Variants in FGF13 observed in about 807,000 individuals in gnomAD.
FGF13 encodes the protein fibroblast growth factor 13.
FGF13 carries 2 observed loss-of-function variants against 19.5 expected under a neutral mutation model. That is an observed-to-expected ratio of 0.10 (90% CI 0.04 to 0.32). The LOEUF is 0.32. FGF13 is among the 10% of genes least tolerant of loss of function. The pLI is 1.00. For missense variants in FGF13, 113 were observed against 192.7 expected, an observed-to-expected ratio of 0.59 and a Z score of 2.45; for synonymous variants, 72 against 76.9, an observed-to-expected ratio of 0.94 and a Z score of 0.33.
chrX:138,985,255 G>C (rs1011476436), intron 1 of FGF13, among the ~76,000 whole-genome samples: 1 of 112,428 alleles, frequency 8.9e-6, no homozygotes. Context: ...TTTGGTTTCT[G>C]TTTGTTTTTA....
At chrX:139,169,490 G>A (rs762890404) in intron 1 of FGF13, among the ~76,000 whole-genome samples, 2 of 109,838 alleles carry the variant, frequency 1.8e-5, no homozygotes, top group Admixed American at 9.8e-5. Flanking sequence ...TTTTTAAAGA[G>A]ACAGGATCTT....
At chrX:138,912,362 C>G (rs2091592459) in intron 1 of FGF13, among the ~76,000 whole-genome samples, 1 of 111,481 alleles carries the variant, frequency 9.0e-6, no homozygotes. Flanking sequence ...GGGAAAGACT[C>G]AACCATTGAG....
chrX:138,701,232 C>G (rs948611952), intron 3 of FGF13, among the ~76,000 whole-genome samples: 1 of 112,198 alleles, frequency 8.9e-6, no homozygotes, highest in Non-Finnish European at 1.9e-5. Flanking sequence ...CTGGCATGTG[C>G]TTTCTCAAAA....
chrX:139,164,721 A>AAATAAATAAATG (rs1179073034), intron 1 of FGF13, among the ~76,000 whole-genome samples: 30 of 109,306 alleles, frequency 2.7e-4, no homozygotes, highest in South Asian at 1.9e-3. Flanking sequence ...ATAAATAAAT[A>AAATAAATAAATG]AATGAATGGA....
intron 3 of FGF13, among the ~76,000 whole-genome samples, chrX:138,807,306 A>G (rs966334783): frequency 3.6e-5 from 4 of 112,149 alleles, no homozygotes; most frequent in Non-Finnish European, 7.5e-5. Context: ...CAAAACAATT[A>G]AAAGCAGAGC....
At chrX:138,865,808 C>G (rs1195004511) in intron 1 of FGF13, among the ~76,000 whole-genome samples, 1 of 110,759 alleles carries the variant, frequency 9.0e-6, no homozygotes, top group Non-Finnish European at 1.9e-5. Context: ...TTCAAAATAC[C>G]CCCCCAAGAA....
chrX:139,071,490 T>G (rs1214463447), intron 1 of FGF13, among the ~76,000 whole-genome samples: 1 of 111,904 alleles, frequency 8.9e-6, no homozygotes, highest in Non-Finnish European at 1.9e-5. Context: ...ATGTTACTGT[T>G]GTCCAAGAGT....
At chrX:138,871,380 C>T (rs189403090) in intron 1 of FGF13, among the ~76,000 whole-genome samples, 5 of 111,476 alleles carry the variant, frequency 4.5e-5, no homozygotes, top group African/African-American at 1.3e-4. Context: ...GGGGGGGGAA[C>T]AGACAAAAAT....
intron 1 of FGF13, among the ~76,000 whole-genome samples, chrX:139,053,735 T>C (rs1245375019): frequency 8.9e-6 from 1 of 111,883 alleles, no homozygotes; most frequent in Non-Finnish European, 1.9e-5. Flanking sequence ...TTCCTTTTGA[T>C]GTCTAAAAAG....
At chrX:139,124,929 C>A (rs188257867) in intron 1 of FGF13, among the ~76,000 whole-genome samples, 1,720 of 111,644 alleles carry the variant, frequency 0.015, 30 homozygotes, top group African/African-American at 0.052. Context: ...CATGGTTCCC[C>A]TAGGAAGAGG....
intron 3 of FGF13, among the ~76,000 whole-genome samples, chrX:138,755,048 A>G (rs1456303400): frequency 7.2e-5 from 8 of 111,866 alleles, no homozygotes; most frequent in Admixed American, 4.8e-4. Flanking sequence ...GCTGAGCCCA[A>G]CAAGTTCCAG....
At chrX:138,639,600 TAATGA>T (rs775306767) in intron 3 of FGF13, among the ~76,000 whole-genome samples, 65 of 112,226 alleles carry the variant, frequency 5.8e-4, no homozygotes, top group Non-Finnish European at 1.1e-3. Flanking sequence ...ACTTTTTAGT[TAATGA>T]AATAATCAAT....
At position 139,065,498 on chromosome X, in the gene FGF13, A is replaced by AGG. The variant is rs756191411; in HGVS notation, c.-113+137917_-113+137918insCC. Among the ~76,000 whole-genome samples the AGG allele has an allele frequency of 4.2e-3, 351 of 84,204 alleles. 3 individuals are homozygous for AGG. The highest frequency in any genetic ancestry group is 0.016 in the African/African-American group (331 of 20,450). 73.1% of individuals were successfully genotyped at this position (84,204 alleles called of 115,157 possible). On this transcript the variant is annotated intron_variant, in intron 1 of 2. Transcript: ENST00000421460. ...ACGGAAAGCAAAAAAAAAAAAAAGA[A>AGG]AAAGAAAAAAGAAAGGGGGGTTGCA...
intron 1 of FGF13, among the ~76,000 whole-genome samples, chrX:138,940,503 C>T (rs749012113): frequency 4.5e-4 from 50 of 111,358 alleles, no homozygotes; most frequent in African/African-American, 1.6e-3. Context: ...GAAATCTTTG[C>T]CTGTGTCTAT....
chrX:138,950,442 C>T (rs1254088251), intron 1 of FGF13, among the ~76,000 whole-genome samples: 1 of 111,808 alleles, frequency 8.9e-6, no homozygotes, highest in Non-Finnish European at 1.9e-5. Flanking sequence ...CTCATATTCT[C>T]CAATATTTAT....
At chrX:139,059,492 C>T (rs2092330093) in intron 1 of FGF13, among the ~76,000 whole-genome samples, 1 of 110,762 alleles carries the variant, frequency 9.0e-6, no homozygotes, top group African/African-American at 3.3e-5. Flanking sequence ...GACCTCTCTG[C>T]TTCACTGCTT....
intron 3 of FGF13, among the ~76,000 whole-genome samples, chrX:138,807,551 T>C (rs770709731): frequency 1.6e-3 from 182 of 111,436 alleles, no homozygotes; most frequent in African/African-American, 5.7e-3. Flanking sequence ...AGCAAAATAA[T>C]CAGCTAACAT....
chrX:138,965,354 G>A (rs1353785460), intron 1 of FGF13, among the ~76,000 whole-genome samples: 1 of 112,126 alleles, frequency 8.9e-6, no homozygotes, highest in Admixed American at 9.4e-5. Context: ...TCCATCTTGT[G>A]CACCACTGTA....
intron 3 of FGF13, among the ~76,000 whole-genome samples, chrX:138,844,631 C>T (rs1569409779): frequency 8.9e-6 from 1 of 112,014 alleles, no homozygotes; most frequent in Non-Finnish European, 1.9e-5. Context: ...TCCATTCCTC[C>T]TTCCTGAAGC....
Sources: allele counts gnomAD v4.1 joint callset (sites outside exome capture counted in the v4.1 genomes callset), GRCh38; gene constraint gnomAD v4.1.1; transcripts MANE v1.5; gene names NCBI Gene and HGNC (gene_info 2026-07-23, HGNC 2026-07-21).